Variants in SLC25A48 observed in about 807,000 individuals in gnomAD.
SLC25A48 encodes the protein CTC-321K16.1.
Under a neutral mutation model 32.2 loss-of-function variants are expected in SLC25A48, and 29 were observed. The ratio of observed to expected loss-of-function variants is 0.90; its 90% CI spans 0.67 to 1.23. SLC25A48 has a LOEUF of 1.23. SLC25A48 is among the 50% of genes most tolerant of loss of function. The pLI is 0.00. For missense variants in SLC25A48, 399 were observed against 422.7 expected, an observed-to-expected ratio of 0.94 and a Z score of 0.49; for synonymous variants, 164 against 172.3, an observed-to-expected ratio of 0.95 and a Z score of 0.38.
intron 3 of SLC25A48, among the ~76,000 whole-genome samples, chr5:135,775,993 G>A (rs1027012529): frequency 6.6e-6 from 1 of 151,546 alleles, no homozygotes; most frequent in Non-Finnish European, 1.5e-5. Flanking sequence ...ATCACAGGGG[G>A]TTTACACCCT....
At chr5:135,750,624 G>A (rs996819940) in intron 3 of SLC25A48, among the ~76,000 whole-genome samples, 11 of 152,098 alleles carry the variant, frequency 7.2e-5, no homozygotes, top group African/African-American at 2.7e-4. Context: ...CAGGGATGGG[G>A]GGCAATGTTG....
intron 1 of SLC25A48, among the ~76,000 whole-genome samples, chr5:135,612,549 AC>A (rs1293047305): frequency 4.6e-5 from 7 of 151,852 alleles, no homozygotes; most frequent in African/African-American, 1.5e-4. Context: ...CCACGTACAC[AC>A]CCTTCCCAGC....
intron 3 of SLC25A48, among the ~76,000 whole-genome samples, chr5:135,750,088 G>A (rs1755734278): frequency 6.6e-6 from 1 of 152,162 alleles, no homozygotes; most frequent in Non-Finnish European, 1.5e-5. Context: ...TTGCATGGAT[G>A]TCCCACAAGC....
At chr5:135,656,277 AG>A (rs58975661) in intron 3 of SLC25A48, among the ~76,000 whole-genome samples, 13 of 152,160 alleles carry the variant, frequency 8.5e-5, no homozygotes, top group African/African-American at 3.1e-4. Context: ...GCACACGGGA[AG>A]GTGTTCTGGT....
intron 2 of SLC25A48, among the ~76,000 whole-genome samples, chr5:135,631,194 C>T (rs1347395355): frequency 1.3e-5 from 2 of 152,248 alleles, no homozygotes; most frequent in South Asian, 4.2e-4. Flanking sequence ...CTCCAGGTAG[C>T]ATTTTGGACA....
intron 3 of SLC25A48, among the ~76,000 whole-genome samples, chr5:135,777,556 T>C (rs919165086): frequency 2.6e-5 from 4 of 151,608 alleles, no homozygotes; most frequent in African/African-American, 9.7e-5. Context: ...TTTTTTAATA[T>C]TTAGAAAAAA....
chr5:135,885,410 T>C (rs1762679614), intron 7 of SLC25A48, among the ~76,000 whole-genome samples: 1 of 152,142 alleles, frequency 6.6e-6, no homozygotes, highest in Non-Finnish European at 1.5e-5. Flanking sequence ...CAGGACACTC[T>C]TACCCCCAGC....
At chr5:135,739,732 C>T (rs915416314) in intron 3 of SLC25A48, among the ~76,000 whole-genome samples, 2 of 152,058 alleles carry the variant, frequency 1.3e-5, no homozygotes, top group Non-Finnish European at 2.9e-5. Context: ...ATATCACTGT[C>T]ATGAGCAGTT....
chr5:135,820,833 G>A (rs1757864395), intron 4 of SLC25A48, among the ~76,000 whole-genome samples: 1 of 152,282 alleles, frequency 6.6e-6, no homozygotes, highest in African/African-American at 2.4e-5. Context: ...CTATACAAAA[G>A]AAAATGGCCC....
In SLC25A48 at chr5:135,780,160, CTTTTTTTTTTTTT is replaced by C. The variant is rs34277772; in HGVS notation, c.-520-32350_-520-32338del. 9.8e-4 allele frequency among the ~76,000 whole-genome samples: 38 copies of C among 38,840 alleles called. 12 individuals carry two copies. The highest frequency in any genetic ancestry group is 6.8e-4 in the Non-Finnish European group (10 of 14,612). The allele number at this position is 38,840 out of a possible 152,430, so 25.5% of individuals were successfully genotyped here. A position where few individuals can be genotyped will look rare whatever the true frequency, so the allele number is the denominator to read the frequency against. On this transcript the variant is annotated intron_variant, in intron 3 of 10. Transcript: ENST00000646290. ...CGTGCCTGTGTTATTGTTTCTTCGT[CTTTTTTTTTTTTT>C]TTTTTTTTTTTTGAGACATTCTCCT...
intron 7 of SLC25A48, among the ~76,000 whole-genome samples, chr5:135,880,523 C>A (rs1762391288): frequency 6.6e-6 from 1 of 152,166 alleles, no homozygotes; most frequent in African/African-American, 2.4e-5. Flanking sequence ...CTGAGAGCCA[C>A]CCACAGGCTG....
At chr5:135,592,706 G>GT (rs1218645192) in intron 1 of SLC25A48, among the ~76,000 whole-genome samples, 1 of 152,150 alleles carries the variant, frequency 6.6e-6, no homozygotes, top group African/African-American at 2.4e-5. Flanking sequence ...CACCACAGGT[G>GT]TGTCCTGAAA....
chr5:135,629,112 C>A lies in SLC25A48; in HGVS notation c.-848-125C>A, dbSNP rs1463038480. The stretch of plus-strand genomic sequence containing the variant: ...AGGAGGAGAAATTTCATTATAGATC[C>A]AATTTTGCCTTGGGCTGCTGTGGAT... On this transcript the variant is annotated intron_variant, in intron 1 of 10. Transcript: ENST00000646290. This position sits in a 1 kb window ranked among gnomAD's most constrained non-coding sequence, Gnocchi z 4.8. The A allele has an allele frequency of 6.6e-6, 1 of 152,190 alleles. No homozygotes were observed. Among genetic ancestry groups the A allele is most frequent in the Non-Finnish European group, 1.5e-5 (1 of 68,028 alleles). The allele number at this position is 152,190 out of a possible 1,614,324, so 9.4% of individuals were successfully genotyped here. A position where few individuals can be genotyped will look rare whatever the true frequency, so the allele number is the denominator to read the frequency against.
intron 3 of SLC25A48, among the ~76,000 whole-genome samples, chr5:135,709,303 C>G (rs1754597404): frequency 6.6e-6 from 1 of 152,218 alleles, no homozygotes; most frequent in Non-Finnish European, 1.5e-5. Flanking sequence ...GCTCTTGGGC[C>G]AATTCCTCCA....
intron 3 of SLC25A48, among the ~76,000 whole-genome samples, chr5:135,674,571 T>A (rs927806844): frequency 6.6e-6 from 1 of 151,968 alleles, no homozygotes; most frequent in African/African-American, 2.4e-5. Context: ...TGTGTCTTTT[T>A]TTCTTTCTGT....
intron 3 of SLC25A48, among the ~76,000 whole-genome samples, chr5:135,798,148 T>C (rs1211938116): frequency 2.0e-5 from 3 of 151,828 alleles, no homozygotes; most frequent in African/African-American, 7.3e-5. Flanking sequence ...ATAAAATTAT[T>C]CCAAATATCA....
At chr5:135,779,467 C>G (rs533982615) in intron 3 of SLC25A48, among the ~76,000 whole-genome samples, 1 of 151,742 alleles carries the variant, frequency 6.6e-6, no homozygotes, top group Non-Finnish European at 1.5e-5. Context: ...GATATTTTTC[C>G]TAATATCCAA....
chr5:135,669,421 G>A (rs774109638), intron 3 of SLC25A48, among the ~76,000 whole-genome samples: 15 of 152,038 alleles, frequency 9.9e-5, no homozygotes, highest in African/African-American at 2.4e-4. Context: ...GCACCTATCT[G>A]GGGGGAGGGA....
At chr5:135,626,085 G>A (rs780527713) in intron 1 of SLC25A48, among the ~76,000 whole-genome samples, 1 of 152,230 alleles carries the variant, frequency 6.6e-6, no homozygotes, top group East Asian at 1.9e-4. Context: ...CAATGGGGTA[G>A]GACAGGGGTC....
Sources: allele counts gnomAD v4.1 joint callset (sites outside exome capture counted in the v4.1 genomes callset), GRCh38; gene constraint gnomAD v4.1.1; non-coding constraint Gnocchi (gnomAD v3.1); transcripts MANE v1.5; gene names NCBI Gene and HGNC (gene_info 2026-07-23, HGNC 2026-07-21).